FARS2: variants seen among roughly 807,000 people sequenced by gnomAD.
The protein encoded by FARS2 is phenylalanyl-tRNA synthetase 2, mitochondrial, also known as phenylalanine--tRNA ligase, mitochondrial.
FARS2 carries 40 observed loss-of-function variants against 46.4 expected under a neutral mutation model. The ratio of observed to expected loss-of-function variants is 0.86; its 90% CI spans 0.67 to 1.12. The LOEUF is 1.12. Ranked by LOEUF, FARS2 falls within the 50% of genes most tolerant of loss-of-function variation. The pLI, the probability that FARS2 is intolerant of heterozygous loss-of-function variation, is 0.00. For missense variants in FARS2, 513 were observed against 567.9 expected, an observed-to-expected ratio of 0.90 and a Z score of 0.98; for synonymous variants, 234 against 214.9, an observed-to-expected ratio of 1.09 and a Z score of -0.78.
intron 6 of FARS2, among the ~76,000 whole-genome samples, chr6:5,693,671 G>T (rs1348912453): frequency 1.3e-5 from 2 of 152,154 alleles, no homozygotes; most frequent in African/African-American, 4.8e-5. Context: ...TGATGCTGGG[G>T]CCTTGTCTGG....
chr6:5,480,272 AG>A (rs138439845), intron 4 of FARS2, among the ~76,000 whole-genome samples: 1,916 of 152,380 alleles, frequency 0.013, 52 homozygotes, highest in African/African-American at 0.044. Context: ...CCTTCAAATT[AG>A]GTTTAAAAAA....
intron 1 of FARS2, among the ~76,000 whole-genome samples, chr6:5,363,562 T>C (rs547364754): frequency 8.5e-5 from 13 of 152,160 alleles, no homozygotes; most frequent in African/African-American, 3.1e-4. Flanking sequence ...AGAAAGAGTA[T>C]GTGTATATAT....
At chr6:5,754,439 G>T (rs570375546) in intron 6 of FARS2, among the ~76,000 whole-genome samples, 11 of 152,220 alleles carry the variant, frequency 7.2e-5, no homozygotes, top group Admixed American at 7.2e-4. Context: ...GAAGACTGGG[G>T]CATCTGAAAC....
At chr6:5,477,633 G>A (rs1046843030) in intron 4 of FARS2, among the ~76,000 whole-genome samples, 7 of 151,986 alleles carry the variant, frequency 4.6e-5, no homozygotes, top group Admixed American at 3.9e-4. Context: ...AATGTCTCTG[G>A]GCCTCAGTTT....
At chr6:5,461,447 T>C (rs1765236409) in intron 4 of FARS2, among the ~76,000 whole-genome samples, 1 of 152,218 alleles carries the variant, frequency 6.6e-6, no homozygotes, top group Non-Finnish European at 1.5e-5. Context: ...ATTCAAGGAT[T>C]ATTTAGTAAA....
intron 1 of FARS2, among the ~76,000 whole-genome samples, chr6:5,281,640 C>T (rs546750204): frequency 3.3e-5 from 5 of 151,874 alleles, no homozygotes; most frequent in African/African-American, 1.2e-4. Flanking sequence ...CCCCCCCTGC[C>T]CCCGGTAACC....
chr6:5,542,462 C>CT (rs1770695768), intron 4 of FARS2, among the ~76,000 whole-genome samples: 1 of 152,154 alleles, frequency 6.6e-6, no homozygotes, highest in Non-Finnish European at 1.5e-5. Flanking sequence ...TGCTAAGTGT[C>CT]TGTTTAATTC....
At chr6:5,675,400 G>GA (rs1170560877) in intron 6 of FARS2, among the ~76,000 whole-genome samples, 1 of 152,154 alleles carries the variant, frequency 6.6e-6, no homozygotes, top group Non-Finnish European at 1.5e-5. Context: ...CTTTTCAATG[G>GA]AAACTTATCA....
intron 6 of FARS2, among the ~76,000 whole-genome samples, chr6:5,631,821 C>T (rs1776304709): frequency 6.6e-6 from 1 of 152,014 alleles, no homozygotes; most frequent in African/African-American, 2.4e-5. Context: ...TTTTTTCCTT[C>T]TCAAGCTATA....
intron 6 of FARS2, among the ~76,000 whole-genome samples, chr6:5,731,267 C>A (rs149641560): frequency 6.6e-6 from 1 of 151,978 alleles, no homozygotes; most frequent in Non-Finnish European, 1.5e-5. Context: ...CCTGTTTTTC[C>A]TTCCTTCCTC....
intron 6 of FARS2, among the ~76,000 whole-genome samples, chr6:5,685,261 G>A (rs193121190): frequency 6.6e-6 from 1 of 152,266 alleles, no homozygotes; most frequent in Admixed American, 6.5e-5. Context: ...TTTTCATAAA[G>A]GATTCATTAT....
intron 6 of FARS2, among the ~76,000 whole-genome samples, chr6:5,666,839 C>T (rs969857962): frequency 3.3e-5 from 5 of 152,036 alleles, no homozygotes; most frequent in Admixed American, 6.5e-5. Flanking sequence ...CAATGGTAGA[C>T]GAGATAAAGA....
At chr6:5,760,736 A>G (rs1187914759) in intron 6 of FARS2, among the ~76,000 whole-genome samples, 1 of 152,132 alleles carries the variant, frequency 6.6e-6, no homozygotes, top group Non-Finnish European at 1.5e-5. Flanking sequence ...CAGGCTCACA[A>G]TTCTGTCTGT....
rs1256973778 is a variant in FARS2 at position 5,613,210 on chromosome 6, C to CTAACCAGAA, written c.1108_1109insAACCAGAAT (p.Phe369_Trp370insTer). Reference sequence around the variant, plus strand: ...CGGCTGTGATCAATGATATTTCATTCTGGTTGCCCTCTGAGAATTACGCAG... The same window carrying CTAACCAGAA: ...CGGCTGTGATCAATGATATTTCATTCTAACCAGAATGGTTGCCCTCTGAGAATTACGCAG... On this transcript the variant is annotated stop_gained and inframe_insertion, in exon 6 of 7. Transcript: ENST00000274680. LOFTEE classifies it high-confidence loss of function. The CTAACCAGAA allele has an allele frequency of 6.2e-7, 1 of 1,612,996 alleles. No homozygotes were observed. The highest frequency in any genetic ancestry group is 8.5e-7 in the Non-Finnish European group (1 of 1,179,428).
chr6:5,265,930 A>AT (rs1236675923), intron 1 of FARS2, among the ~76,000 whole-genome samples: 2 of 152,326 alleles, frequency 1.3e-5, no homozygotes, highest in Non-Finnish European at 2.9e-5. Context: ...ATTTTGTTTA[A>AT]TTTTTTTTTA....
chr6:5,543,050 A>T (rs1172025807), intron 4 of FARS2, among the ~76,000 whole-genome samples: 1 of 152,132 alleles, frequency 6.6e-6, no homozygotes, highest in Non-Finnish European at 1.5e-5. Context: ...AATGTCAATT[A>T]TGTTGTTGTT....
chr6:5,286,124 A>G (rs1767095360), intron 1 of FARS2, among the ~76,000 whole-genome samples: 1 of 152,126 alleles, frequency 6.6e-6, no homozygotes, highest in Non-Finnish European at 1.5e-5. Flanking sequence ...ATAGGCTTGC[A>G]TTTAGTACAC....
intron 4 of FARS2, among the ~76,000 whole-genome samples, chr6:5,515,564 G>C (rs1005114360): frequency 8.5e-5 from 13 of 152,160 alleles, no homozygotes; most frequent in Non-Finnish European, 1.5e-4. Context: ...AAGTAGTTGG[G>C]ATTATAGATG....
intron 6 of FARS2, among the ~76,000 whole-genome samples, chr6:5,712,599 C>T (rs140334454): frequency 1.6e-4 from 25 of 152,326 alleles, no homozygotes; most frequent in Non-Finnish European, 2.4e-4. Context: ...CTAGGAGAAG[C>T]GAATTCACTC....
Sources: gnomAD v4.1 joint callset for allele counts (sites outside exome capture counted in the v4.1 genomes callset) on GRCh38, gnomAD v4.1.1 for gene constraint, MANE v1.5 for transcripts, NCBI Gene and HGNC (gene_info 2026-07-23, HGNC 2026-07-21) for gene names.